Variants in TMEFF2 observed in about 807,000 individuals in gnomAD.
The protein encoded by TMEFF2 is transmembrane protein with EGF like and two follistatin like domains 2, also known as tomoregulin-2.
Under a neutral mutation model 53.8 loss-of-function variants are expected in TMEFF2, and 28 were observed. That is an observed-to-expected ratio of 0.52 (90% CI 0.39 to 0.71). The LOEUF (loss-of-function observed/expected upper bound fraction) is 0.71, where lower values mean the gene tolerates loss of function less well. TMEFF2 is among the 30% of genes least tolerant of loss of function. TMEFF2 has a pLI of 0.00. For missense variants in TMEFF2, 353 were observed against 455.2 expected (o/e 0.78, Z 2.04); for synonymous variants, 162 against 166.3 (o/e 0.97, Z 0.20).
In TMEFF2 at chr2:192,154,368, T is replaced by C. The variant is rs529249178; in HGVS notation, c.439+25300A>G. On this transcript the variant is annotated intron_variant, in intron 4 of 9. Coordinates refer to ENST00000272771, the MANE Select transcript of TMEFF2 (RefSeq NM_016192.4). ...ATTGAGGATGTGGTTTGAGTAAGCA[T>C]GGACATAATGATAACATGTATACTT... is the stretch of plus-strand genomic sequence containing the variant. 4.6e-5 allele frequency among the ~76,000 whole-genome samples: 7 copies of C among 152,084 alleles called. No homozygotes were observed. The East Asian group carries it at 9.7e-4, about 21-fold the overall frequency.
intron 7 of TMEFF2, among the ~76,000 whole-genome samples, chr2:191,993,832 G>A (rs769249579): frequency 2.0e-5 from 3 of 151,994 alleles, no homozygotes; most frequent in Non-Finnish European, 4.4e-5. Flanking sequence ...GGCGTATTTT[G>A]TAAAAATCAT....
chr2:191,958,274 A>G (rs1692165727), intron 7 of TMEFF2, among the ~76,000 whole-genome samples: 1 of 152,304 alleles, frequency 6.6e-6, no homozygotes, highest in South Asian at 2.1e-4. Context: ...TTCTTCCCAT[A>G]ACAAACTATT....
chr2:191,970,287 T>C (rs754118005), intron 7 of TMEFF2, among the ~76,000 whole-genome samples: 24 of 152,026 alleles, frequency 1.6e-4, no homozygotes, highest in Non-Finnish European at 3.1e-4. Flanking sequence ...AGTTTATTGG[T>C]TACTGTCTTT....
chr2:191,978,244 C>T (rs1325018781), intron 7 of TMEFF2, among the ~76,000 whole-genome samples: 1 of 152,128 alleles, frequency 6.6e-6, no homozygotes, highest in African/African-American at 2.4e-5. Flanking sequence ...GAGAGGCAGG[C>T]CGGTATAATG....
chr2:192,111,905 T>A lies in TMEFF2; in HGVS notation c.440-54130A>T, dbSNP rs1689287193. On this transcript the variant is annotated intron_variant, in intron 4 of 9. Coordinates refer to ENST00000272771, the MANE Select transcript of TMEFF2 (RefSeq NM_016192.4). Reference sequence around the variant, plus strand: ...GGGTGCAAGCCCCAAGCCTTGGCAGTTTCCACGTGGTGTTGAGCCTGTGGG... The same window carrying A: ...GGGTGCAAGCCCCAAGCCTTGGCAGATTCCACGTGGTGTTGAGCCTGTGGG... Among the ~76,000 whole-genome samples the A allele has an allele frequency of 1.3e-5, 2 of 152,192 alleles. 1 individual carries two copies. Among genetic ancestry groups the A allele is most frequent in the Admixed American group, 1.3e-4 (2 of 15,270 alleles).
chr2:192,096,802 G>A (rs1448662893), intron 4 of TMEFF2, among the ~76,000 whole-genome samples: 1 of 149,696 alleles, frequency 6.7e-6, no homozygotes, highest in Non-Finnish European at 1.5e-5. Context: ...CAAGCTTCTC[G>A]AGTAGCTGGG....
rs755304963 is a variant in TMEFF2, at chr2:192,194,504, C to G, written c.21G>C (p.Pro7=). The G allele has an allele frequency of 6.2e-7, 1 of 1,613,610 alleles. No homozygotes were observed. The highest frequency in any genetic ancestry group is 8.5e-7 in the Non-Finnish European group (1 of 1,179,966). The change falls in exon 1 of 10, where the codon CCG becomes CCC. Residue 7 remains proline, a synonymous_variant. Transcript: ENST00000272771. The surrounding 1 kb of genome is among the most constrained non-coding windows in gnomAD (Gnocchi z 4.2). The part of the protein sequence containing the change: MVLWES[P]RQCSSWTLCE... ...AAAGTGTCCAGCTGCTGCACTGCCG[C>G]GGGGACTCCCACAGCACCATGACTA...
At chr2:192,184,133 TCTA>T (rs1230626129) in intron 3 of TMEFF2, among the ~76,000 whole-genome samples, 1 of 152,116 alleles carries the variant, frequency 6.6e-6, no homozygotes, top group East Asian at 1.9e-4. Flanking sequence ...CGTACTTAAA[TCTA>T]CCAGTGTCCT....
At chr2:192,099,075 T>C (rs1688977669) in intron 4 of TMEFF2, among the ~76,000 whole-genome samples, 1 of 152,172 alleles carries the variant, frequency 6.6e-6, no homozygotes, top group African/African-American at 2.4e-5. Flanking sequence ...ACACCCATAC[T>C]GAGGGAACCA....
intron 4 of TMEFF2, among the ~76,000 whole-genome samples, chr2:192,156,014 G>GAA (rs5837288): frequency 3.3e-4 from 48 of 144,384 alleles, no homozygotes; most frequent in South Asian, 1.1e-3. Flanking sequence ...AGGAACATTT[G>GAA]AAAAAAAAAA....
rs1173796862 is a variant in TMEFF2 at position 191,956,184 on chromosome 2, A to G, written c.869+71T>C. 6.8e-6 allele frequency: 10 copies of G among 1,475,304 alleles called. No homozygotes were observed. The Admixed American group carries it at 1.0e-4, about 15-fold the overall frequency. The allele number at this position is 1,475,304 out of a possible 1,614,324, so 91.4% of individuals were successfully genotyped here. A position where few individuals can be genotyped will look rare whatever the true frequency, so the allele number is the denominator to read the frequency against. ...CAAGAAGAATGTCTACCAATTTTCTATAAACATCTACAATTTAGTTTCTAC... is the reference window on the plus strand; with the variant it reads ...CAAGAAGAATGTCTACCAATTTTCTGTAAACATCTACAATTTAGTTTCTAC... On this transcript the variant is annotated intron_variant, in intron 8 of 9. Coordinates refer to ENST00000272771, the MANE Select transcript of TMEFF2 (RefSeq NM_016192.4).
At chr2:192,118,574 G>A (rs908268248) in intron 4 of TMEFF2, among the ~76,000 whole-genome samples, 5 of 152,086 alleles carry the variant, frequency 3.3e-5, no homozygotes, top group Non-Finnish European at 5.9e-5. Context: ...GATACTTGCC[G>A]GTTTAATTAC....
At chr2:192,030,936 G>A (rs181281703) in intron 5 of TMEFF2, among the ~76,000 whole-genome samples, 2 of 152,252 alleles carry the variant, frequency 1.3e-5, no homozygotes, top group East Asian at 1.9e-4. Flanking sequence ...GCGGGGAGTT[G>A]ATGGGTTAAA....
intron 5 of TMEFF2, among the ~76,000 whole-genome samples, chr2:192,017,257 A>C (rs928973711): frequency 6.6e-6 from 1 of 152,174 alleles, no homozygotes; most frequent in African/African-American, 2.4e-5. Context: ...ATGACCTGCT[A>C]AGGACTTTGA....
intron 7 of TMEFF2, among the ~76,000 whole-genome samples, chr2:191,969,141 A>ATGTGTGTG (rs71405031): frequency 1.3e-5 from 2 of 150,208 alleles, no homozygotes; most frequent in African/African-American, 2.5e-5. Flanking sequence ...GTGTGTATCT[A>ATGTGTGTG]TGTGTGTGTG....
intron 5 of TMEFF2, among the ~76,000 whole-genome samples, chr2:192,042,238 G>T (rs1231084423): frequency 6.6e-6 from 1 of 151,990 alleles, no homozygotes; most frequent in Non-Finnish European, 1.5e-5. Context: ...CTTCATAACA[G>T]AAATATTTGA....
chr2:192,158,392 C>G (rs1341282055), intron 4 of TMEFF2, among the ~76,000 whole-genome samples: 2 of 151,966 alleles, frequency 1.3e-5, no homozygotes, highest in African/African-American at 4.8e-5. Context: ...CTAGACAGAT[C>G]TGATGCTAGC....
chr2:191,953,151 C>T (rs1053446200), intron 9 of TMEFF2, among the ~76,000 whole-genome samples: 1 of 152,154 alleles, frequency 6.6e-6, no homozygotes, highest in Non-Finnish European at 1.5e-5. Flanking sequence ...TCTGTTGAAA[C>T]TAAAGGAAAC....
intron 7 of TMEFF2, among the ~76,000 whole-genome samples, chr2:191,979,541 CA>C (rs5837268): frequency 0.99 from 150,094 of 152,224 alleles, 74,045 homozygotes; most frequent in Middle Eastern, 1. Context: ...TAACGCTATA[CA>C]AAACTCTCCC....
Sources: allele counts gnomAD v4.1 joint callset (sites outside exome capture counted in the v4.1 genomes callset), GRCh38; gene constraint gnomAD v4.1.1; non-coding constraint Gnocchi (gnomAD v3.1); transcripts MANE v1.5; gene names NCBI Gene and HGNC (gene_info 2026-07-23, HGNC 2026-07-21).